Variants in TNFRSF13B observed in about 807,000 individuals in gnomAD.
TNFRSF13B encodes TNF receptor superfamily member 13B.
A neutral mutation model predicts 24.0 loss-of-function variants in TNFRSF13B; 34 were observed. That is an observed-to-expected ratio of 1.41 (90% confidence interval 1.08 to 1.88). The LOEUF (loss-of-function observed/expected upper bound fraction) is 1.88. Among genes scored for constraint, TNFRSF13B ranks in the 40% most tolerant of loss-of-function variants. TNFRSF13B has a pLI of 0.00. For synonymous variants in TNFRSF13B, 173 were observed against 150.3 expected, an observed-to-expected ratio of 1.15 and a Z score of -1.10; for missense variants, 415 against 380.8, an observed-to-expected ratio of 1.09 and a Z score of -0.75.
chr17:16,948,871 A>C lies in TNFRSF13B; in HGVS notation c.312T>G (p.Cys104Trp), dbSNP rs1486612247. Residue 104 changes from cysteine to tryptophan, a missense_variant, in exon 3 of 5, where the codon TGT becomes TGG. Coordinates refer to ENST00000261652, the MANE Select transcript of TNFRSF13B (RefSeq NM_012452.3). The stretch of plus-strand genomic sequence containing the variant: ...TCACTGGGCTCCTGAGCTTGTTCTC[A>C]CAGAAGTATGCACATTGCTTAGGGT... The part of the protein sequence containing the change: ...GQHPKQCAYF[C>W]ENKLRSPVNL... The C allele has an allele frequency of 1.2e-6, 2 of 1,614,062 alleles. No homozygotes were observed. The highest frequency in any genetic ancestry group is 1.7e-6 in the Non-Finnish European group (2 of 1,180,022).
chr17:16,941,962 C>A (rs925081992), intron 3 of TNFRSF13B, among the ~76,000 whole-genome samples: 3 of 152,152 alleles, frequency 2.0e-5, no homozygotes, highest in Non-Finnish European at 4.4e-5. Context: ...TCTCTTTAGG[C>A]GGAATGGACA....
intron 1 of TNFRSF13B, among the ~76,000 whole-genome samples, chr17:16,968,908 A>C (rs1458918822): frequency 1.3e-5 from 2 of 152,168 alleles, no homozygotes; most frequent in Admixed American, 6.5e-5. Context: ...CATTTTCCCC[A>C]AAAAAACCAT....
chr17:16,963,941 A>T (rs1014166602), intron 1 of TNFRSF13B, among the ~76,000 whole-genome samples: 7 of 152,156 alleles, frequency 4.6e-5, no homozygotes, highest in Non-Finnish European at 1.0e-4. Context: ...GCAGGAGAGG[A>T]TTCCAGCGTG....
At position 16,939,331 on chromosome 17, in the gene TNFRSF13B, G is replaced by C. The variant is rs1597655978; in HGVS notation, c.*216C>G. 1.8e-6 allele frequency: 1 copy of C among 547,608 alleles called. No homozygotes were observed. Among genetic ancestry groups the C allele is most frequent in the Non-Finnish European group, 3.1e-6 (1 of 326,910 alleles). 33.9% of individuals were successfully genotyped at this position (547,608 alleles called of 1,614,324 possible). On this transcript the variant is annotated 3_prime_UTR_variant, in exon 5 of 5. Coordinates refer to ENST00000261652, the MANE Select transcript of TNFRSF13B (RefSeq NM_012452.3). ...TCTCTGCCTCTCTCCTTCTCTGCCT[G>C]TCTCTTTCCTTCTCTGCCTCTTTCC...
Position 16,952,502 on chromosome 17 carries a change from A to G in TNFRSF13B, c.143T>C (p.Met48Thr). The part of the protein sequence containing the change: ...QYWDPLLGTC[M>T]SCKTICNHQS... ...ATGGTTGCAAATGGTTTTGCAGGAC[A>G]TGCAGGTACCCAGCAGAGGATCCCA... is the stretch of plus-strand genomic sequence containing the variant. The change falls in exon 2 of 5, where the codon ATG becomes ACG. Residue 48 changes from methionine (M) to threonine (T), a missense_variant. Coordinates refer to ENST00000261652, the MANE Select transcript of TNFRSF13B (RefSeq NM_012452.3). The G allele has an allele frequency of 6.2e-7, 1 of 1,614,210 alleles. No individual in the cohort carries two copies. The highest frequency in any genetic ancestry group is 8.5e-7 in the Non-Finnish European group (1 of 1,180,028).
chr17:16,959,259 A>T (rs1323587982), intron 1 of TNFRSF13B, among the ~76,000 whole-genome samples: 1 of 152,096 alleles, frequency 6.6e-6, no homozygotes, highest in Non-Finnish European at 1.5e-5. Context: ...AGGGGAAATT[A>T]TAAAATATCT....
chr17:16,940,394 T>A lies in TNFRSF13B; in HGVS notation c.563A>T (p.Lys188Met), dbSNP rs74811083. The part of the protein sequence containing the change: ...FLVAVACFLK[K>M]RGDPCSCQPR... Reference sequence around the variant, plus strand: ...CTGGCAGGAGCAGGGATCCCCCCTCTTCTTGAGGAAGCAGGCCACCGCCAC... The same window carrying A: ...CTGGCAGGAGCAGGGATCCCCCCTCATCTTGAGGAAGCAGGCCACCGCCAC... Residue 188 changes from lysine to methionine, a missense_variant, in exon 4 of 5, where the codon AAG becomes ATG. Physicochemically the swap from Lys to Met is moderately conservative, Grantham distance 95 (BLOSUM62 -1). Transcript: ENST00000261652. 4,314 of 1,611,408 alleles carry A rather than the reference T, an allele frequency of 2.7e-3. 112 individuals carry two copies. The African/African-American group carries it at 0.052, about 20-fold the overall frequency.
At chr17:16,967,562 T>C (rs1181104543) in intron 1 of TNFRSF13B, among the ~76,000 whole-genome samples, 2 of 149,356 alleles carry the variant, frequency 1.3e-5, no homozygotes, top group East Asian at 2.0e-4. Flanking sequence ...TGACCTAACA[T>C]AGTGAAACCC....
chr17:16,968,096 G>A (rs1159137375), intron 1 of TNFRSF13B, among the ~76,000 whole-genome samples: 8 of 136,094 alleles, frequency 5.9e-5, no homozygotes, highest in African/African-American at 1.1e-4. Flanking sequence ...AGCCGAGATC[G>A]CACCACTGCA....
intron 1 of TNFRSF13B, among the ~76,000 whole-genome samples, chr17:16,954,925 C>T (rs1010517176): frequency 1.3e-5 from 2 of 152,216 alleles, no homozygotes; most frequent in Admixed American, 6.5e-5. Flanking sequence ...CTCCCCTCTC[C>T]TTACCCACCC....
At chr17:16,957,783 T>G (rs2087634914) in intron 1 of TNFRSF13B, among the ~76,000 whole-genome samples, 1 of 151,978 alleles carries the variant, frequency 6.6e-6, no homozygotes, top group Non-Finnish European at 1.5e-5. Flanking sequence ...AAGGAGAAAT[T>G]ATGACTTTTC....
Position 16,940,418 on chromosome 17 carries a change from A to G in TNFRSF13B, c.539T>C (p.Val180Ala), listed in dbSNP as rs1207483028. The G allele has an allele frequency of 6.2e-7, 1 of 1,614,088 alleles. No individual in the cohort carries two copies. Among genetic ancestry groups the G allele is most frequent in the Admixed American group, 1.7e-5 (1 of 60,012 alleles). Residue 180 changes from valine (V) to alanine (A), a missense_variant, in exon 4 of 5, where the codon GTG becomes GCG. By Grantham distance (64) the Val-to-Ala change is moderately conservative (BLOSUM62 0). Transcript: ENST00000261652. ...CLCAVLCCFL[V>A]AVACFLKKRG... is the part of the protein sequence containing the mutation. Reference sequence around the variant, plus strand: ...CTTCTTGAGGAAGCAGGCCACCGCCACCAGGAAGCAGCAGAGGACGGCACA... The same window carrying G: ...CTTCTTGAGGAAGCAGGCCACCGCCGCCAGGAAGCAGCAGAGGACGGCACA...
chr17:16,940,008 G>C, intron 4 of TNFRSF13B: 2 of 961,246 alleles, frequency 2.1e-6, no homozygotes, highest in Non-Finnish European at 3.0e-6. Context: ...TCTCACTTCT[G>C]TCCAGCACCG....
chr17:16,940,511 G>C lies in TNFRSF13B; in HGVS notation c.446C>G (p.Ala149Gly). 2 of 1,613,274 alleles carry C rather than the reference G, an allele frequency of 1.2e-6. No individual in the cohort carries two copies. Among genetic ancestry groups the C allele is most frequent in the Non-Finnish European group, 1.7e-6 (2 of 1,179,962 alleles). ...LEHRGSEASP[A>G]LPGLKLSADQ... Reference sequence around the variant, plus strand: ...TGCACTCAGCTTCAGCCCCGGGAGAGCTGCAAGACAGCATGAGACCCCTCT... The same window carrying C: ...TGCACTCAGCTTCAGCCCCGGGAGACCTGCAAGACAGCATGAGACCCCTCT... The change falls in exon 4 of 5, where the codon GCT (alanine) becomes GGT (glycine). Residue 149 changes from alanine to glycine, a missense_variant and splice_region_variant. Coordinates refer to ENST00000261652, the MANE Select transcript of TNFRSF13B (RefSeq NM_012452.3).
chr17:16,967,800 A>G (rs1036916197), intron 1 of TNFRSF13B, among the ~76,000 whole-genome samples: 1 of 149,698 alleles, frequency 6.7e-6, no homozygotes, highest in African/African-American at 2.4e-5. Context: ...AAGAAACCAA[A>G]CACACTATTT....
intron 4 of TNFRSF13B, 42 bp downstream of exon 4, chr17:16,940,284 C>A (rs1304066074): frequency 6.2e-7 from 1 of 1,611,842 alleles, no homozygotes; most frequent in Admixed American, 1.7e-5. Context: ...GCTTGTCACC[C>A]AAGCAGCGAG....
At chr17:16,963,839 A>C (rs2087680493) in intron 1 of TNFRSF13B, among the ~76,000 whole-genome samples, 1 of 152,156 alleles carries the variant, frequency 6.6e-6, no homozygotes, top group South Asian at 2.1e-4. Context: ...CGTGAGCCAC[A>C]GAGCCCGGCC....
At chr17:16,958,492 T>TA (rs201756437) in intron 1 of TNFRSF13B, among the ~76,000 whole-genome samples, 15 of 150,998 alleles carry the variant, frequency 9.9e-5, no homozygotes, top group African/African-American at 3.1e-4. Flanking sequence ...TACTTTAGAT[T>TA]AAAAAAAAAT....
rs1491219752 is a variant in TNFRSF13B, at chr17:16,939,304, CCT to C, written c.*241_*242del. 1.6e-5 allele frequency: 8 copies of C among 498,178 alleles called. No individual in the cohort carries two copies. Among genetic ancestry groups the C allele is most frequent in the Non-Finnish European group, 2.5e-5 (7 of 285,490 alleles). 30.9% of individuals were successfully genotyped at this position (498,178 alleles called of 1,614,324 possible). A position where few individuals can be genotyped will look rare whatever the true frequency, so the allele number is the denominator to read the frequency against. ...GCCTCTCTCCCTCTCTGCCTCTCTC[CCT>C]CTCTGCCTCTCTCCTTCTCTGCCTG... On this transcript the variant is annotated 3_prime_UTR_variant, in exon 5 of 5. Transcript: ENST00000261652.
Sources: gnomAD v4.1 joint callset for allele counts (sites outside exome capture counted in the v4.1 genomes callset) on GRCh38, gnomAD v4.1.1 for gene constraint, MANE v1.5 for transcripts, NCBI Gene and HGNC (gene_info 2026-07-23, HGNC 2026-07-21) for gene names.